Variants in ANKRD33B observed in about 807,000 individuals in gnomAD.
ANKRD33B encodes the protein ankyrin repeat domain 33B.
ANKRD33B carries 6 observed loss-of-function variants against 21.5 expected under a neutral mutation model. The observed-to-expected ratio is 0.28, with a 90% CI of 0.15 to 0.55. The LOEUF is 0.55. ANKRD33B is among the 20% of genes least tolerant of loss of function. The pLI is 0.94. For missense variants in ANKRD33B, 698 were observed against 747.2 expected, an observed-to-expected ratio of 0.93 and a Z score of 0.77; for synonymous variants, 347 against 342.4, an observed-to-expected ratio of 1.01 and a Z score of -0.15.
chr5:10,601,426 C>T (rs1164182438), intron 1 of ANKRD33B, among the ~76,000 whole-genome samples: 1 of 152,204 alleles, frequency 6.6e-6, no homozygotes, highest in Non-Finnish European at 1.5e-5. Flanking sequence ...CTGCGGACCT[C>T]CCACCATTGC....
chr5:10,604,167 C>T, intron 1 of ANKRD33B, among the ~76,000 whole-genome samples: 1 of 145,866 alleles, frequency 6.9e-6, no homozygotes, highest in Non-Finnish European at 1.5e-5. Flanking sequence ...GCTGGGATTA[C>T]AGGTGTGAGC....
At chr5:10,626,050 A>G (rs1736538443) in intron 2 of ANKRD33B, among the ~76,000 whole-genome samples, 1 of 152,224 alleles carries the variant, frequency 6.6e-6, no homozygotes, top group African/African-American at 2.4e-5. Context: ...CTAGAACCCG[A>G]GTGACACAGG....
chr5:10,616,641 C>T (rs931696475), intron 1 of ANKRD33B, among the ~76,000 whole-genome samples: 7 of 151,322 alleles, frequency 4.6e-5, no homozygotes, highest in Non-Finnish European at 1.0e-4. Context: ...CTTTGTGCCT[C>T]TCATGCAGTG....
chr5:10,594,260 G>A (rs1553991589), intron 1 of ANKRD33B, among the ~76,000 whole-genome samples: 1 of 56,172 alleles, frequency 1.8e-5, no homozygotes. Context: ...AGGGTTTCTT[G>A]CTCTTGTTGC....
intron 1 of ANKRD33B, among the ~76,000 whole-genome samples, chr5:10,605,140 AGCT>A (rs1390465810): frequency 2.6e-5 from 4 of 152,144 alleles, no homozygotes; most frequent in South Asian, 2.1e-4. Flanking sequence ...CTCTCCATAG[AGCT>A]GCTTGAGTGT....
At chr5:10,618,305 C>G (rs1265158337) in intron 1 of ANKRD33B, 28 bp from the exon 2 acceptor site, 3 of 1,536,180 alleles carry the variant, frequency 2.0e-6, no homozygotes, top group Non-Finnish European at 2.6e-6. Context: ...CTCTGCCCCT[C>G]TGACCCGCTT....
At chr5:10,648,987 G>T (rs1022788537) in intron 3 of ANKRD33B, among the ~76,000 whole-genome samples, 1 of 150,966 alleles carries the variant, frequency 6.6e-6, no homozygotes, top group South Asian at 2.1e-4. Flanking sequence ...CCTGGGCGGT[G>T]GTGTAGCCCC....
intron 2 of ANKRD33B, chr5:10,625,292 T>G (rs1310786050): frequency 1.3e-5 from 2 of 157,902 alleles, no homozygotes; most frequent in African/African-American, 2.4e-5. Flanking sequence ...ACTACAAAAG[T>G]ATTATCAGGG....
intron 2 of ANKRD33B, among the ~76,000 whole-genome samples, chr5:10,635,616 T>C (rs1223692057): frequency 6.6e-6 from 1 of 152,196 alleles, no homozygotes; most frequent in African/African-American, 2.4e-5. Flanking sequence ...GCTCAGGAGA[T>C]GGGCTGAGGT....
At chr5:10,635,831 A>G (rs1736845089) in intron 2 of ANKRD33B, among the ~76,000 whole-genome samples, 1 of 151,286 alleles carries the variant, frequency 6.6e-6, no homozygotes, top group Admixed American at 6.6e-5. Flanking sequence ...GCCACTTGAT[A>G]TATCGGAGGG....
At chr5:10,633,029 C>T (rs1215255475) in intron 2 of ANKRD33B, among the ~76,000 whole-genome samples, 1 of 151,174 alleles carries the variant, frequency 6.6e-6, no homozygotes, top group African/African-American at 2.4e-5. Context: ...CTCAGGTGAT[C>T]CACCCCCCTC....
Position 10,619,464 on chromosome 5 carries a change from C to A in ANKRD33B, c.496+1002C>A. ...CTTGTTGCTTCACAAGCTCCTGGAC[C>A]AAAGCCACCCTGGGTGGATCTGATG... is the stretch of plus-strand genomic sequence containing the variant. On this transcript the variant is annotated intron_variant, in intron 2 of 3. Coordinates refer to ENST00000296657, the MANE Select transcript of ANKRD33B (RefSeq NM_001164440.2). The surrounding 1 kb of genome is among the most constrained non-coding windows in gnomAD (Gnocchi z 4.5). The A allele has an allele frequency of 1.2e-6, 1 of 841,188 alleles. No individual in the cohort carries two copies. Among genetic ancestry groups the A allele is most frequent in the Non-Finnish European group, 1.4e-6 (1 of 698,480 alleles). The allele number at this position is 841,188 out of a possible 1,614,324, so 52.1% of individuals were successfully genotyped here.
intron 1 of ANKRD33B, among the ~76,000 whole-genome samples, chr5:10,604,962 G>T (rs2126571537): frequency 6.6e-6 from 1 of 152,336 alleles, no homozygotes; most frequent in Admixed American, 6.5e-5. Flanking sequence ...TGGTTGGGCA[G>T]TTCTGACTGA....
intron 3 of ANKRD33B, among the ~76,000 whole-genome samples, chr5:10,647,151 C>A: frequency 6.6e-6 from 1 of 151,712 alleles, no homozygotes; most frequent in South Asian, 2.1e-4. Flanking sequence ...GTTAATCAGG[C>A]TGGAGTGCGG....
intron 2 of ANKRD33B, among the ~76,000 whole-genome samples, chr5:10,636,068 A>G (rs1297511812): frequency 6.6e-6 from 1 of 152,194 alleles, no homozygotes; most frequent in African/African-American, 2.4e-5. Flanking sequence ...TCCCATCCCA[A>G]ATCTCAGGCA....
intron 1 of ANKRD33B, among the ~76,000 whole-genome samples, chr5:10,597,901 T>G (rs1378148466): frequency 6.6e-6 from 1 of 152,240 alleles, no homozygotes; most frequent in East Asian, 1.9e-4. Flanking sequence ...GGTTATATCT[T>G]GTACATACAT....
At chr5:10,633,312 G>GGACGGTGTGATCTCTTGGCCAC (rs1736777091) in intron 2 of ANKRD33B, among the ~76,000 whole-genome samples, 1 of 152,140 alleles carries the variant, frequency 6.6e-6, no homozygotes, top group African/African-American at 2.4e-5. Context: ...ATGTTGGCCA[G>GGACGGTGTGATCTCTTGGCCAC]GACGGTGTGA....
chr5:10,589,174 AAAC>A (rs1437972312), intron 1 of ANKRD33B, among the ~76,000 whole-genome samples: 3 of 152,042 alleles, frequency 2.0e-5, no homozygotes, highest in Non-Finnish European at 4.4e-5. Context: ...GTGCTGTGGG[AAAC>A]CCACCTAGGT....
At chr5:10,624,130 CT>C (rs60575071) in intron 2 of ANKRD33B, among the ~76,000 whole-genome samples, 8,161 of 134,058 alleles carry the variant, frequency 0.061, 320 homozygotes, top group African/African-American at 0.17. Flanking sequence ...TCTTTCTTTT[CT>C]TTTTTTTTTT....
Sources: gnomAD v4.1 joint callset for allele counts (sites outside exome capture counted in the v4.1 genomes callset) on GRCh38, gnomAD v4.1.1 for gene constraint, Gnocchi (gnomAD v3.1) non-coding constraint, MANE v1.5 for transcripts, NCBI Gene and HGNC (gene_info 2026-07-23, HGNC 2026-07-21) for gene names.